Variants in LMNTD1 observed in about 807,000 individuals in gnomAD.
LMNTD1 encodes the protein lamin tail domain-containing protein 1.
Under a neutral mutation model 50.9 loss-of-function variants are expected in LMNTD1, and 35 were observed. The observed-to-expected ratio is 0.69, with a 90% CI of 0.53 to 0.91. The LOEUF is 0.91. Among genes scored for constraint, LMNTD1 ranks in the 40% least tolerant of loss-of-function variants. The pLI is 0.00. For synonymous variants in LMNTD1, 153 were observed against 161.9 expected (o/e 0.94, Z 0.42); for missense variants, 470 against 475.5 (o/e 0.99, Z 0.11).
chr12:25,587,351 G>T (rs1945561028), intron 1 of LMNTD1, among the ~76,000 whole-genome samples: 1 of 152,360 alleles, frequency 6.6e-6, no homozygotes, highest in South Asian at 2.1e-4. Context: ...TGTGCAGGAA[G>T]CATGGTGCCA....
At chr12:25,520,505 C>A (rs1266968694) in intron 6 of LMNTD1, among the ~76,000 whole-genome samples, 1 of 152,138 alleles carries the variant, frequency 6.6e-6, no homozygotes, top group African/African-American at 2.4e-5. Context: ...TGACTTATTT[C>A]ACTCAGCATA....
At chr12:25,544,829 A>G (rs552455751) in intron 4 of LMNTD1, among the ~76,000 whole-genome samples, 8 of 151,920 alleles carry the variant, frequency 5.3e-5, no homozygotes, top group African/African-American at 1.7e-4. Flanking sequence ...AATAGAAAAA[A>G]AGAAAGAATA....
intron 1 of LMNTD1, among the ~76,000 whole-genome samples, chr12:25,648,066 CA>C (rs1408620362): frequency 2.0e-5 from 3 of 152,030 alleles, no homozygotes; most frequent in Non-Finnish European, 4.4e-5. Flanking sequence ...TAAAGTTTTT[CA>C]TCATAAAAGT....
At chr12:25,527,677 T>TACAC (rs1312734491) in intron 4 of LMNTD1, among the ~76,000 whole-genome samples, 27 of 19,560 alleles carry the variant, frequency 1.4e-3, no homozygotes, top group South Asian at 9.6e-3. Flanking sequence ...TATATATATA[T>TACAC]ATATACACAC....
chr12:25,565,157 T>C (rs1944502937), intron 1 of LMNTD1, among the ~76,000 whole-genome samples: 1 of 152,142 alleles, frequency 6.6e-6, no homozygotes, highest in Non-Finnish European at 1.5e-5. Context: ...CTATGTCTTT[T>C]GATTGGAGAG....
intron 3 of LMNTD1, chr12:25,547,272 AT>A: frequency 1.8e-6 from 1 of 553,852 alleles, no homozygotes; most frequent in Non-Finnish European, 2.3e-6. Flanking sequence ...CGTGTCTTGC[AT>A]TTAGACAGAC....
chr12:25,535,986 G>T (rs1678570), intron 4 of LMNTD1, among the ~76,000 whole-genome samples: 31,755 of 118,580 alleles, frequency 0.27, 4,000 homozygotes, highest in Middle Eastern at 0.39. Flanking sequence ...GATAAAGAAA[G>T]TCATTTCATA....
intron 7 of LMNTD1, among the ~76,000 whole-genome samples, chr12:25,519,301 T>C (rs1483845736): frequency 6.6e-6 from 1 of 151,916 alleles, no homozygotes; most frequent in Admixed American, 6.5e-5. Context: ...CCATGAAAAG[T>C]GAAATGGCGG....
At chr12:25,586,375 C>G (rs1266367953) in intron 1 of LMNTD1, among the ~76,000 whole-genome samples, 1 of 152,144 alleles carries the variant, frequency 6.6e-6, no homozygotes, top group Non-Finnish European at 1.5e-5. Context: ...CTCACCAACA[C>G]TACCTTCATG....
chr12:25,634,960 G>T (rs531678394), intron 1 of LMNTD1, among the ~76,000 whole-genome samples: 3 of 152,160 alleles, frequency 2.0e-5, no homozygotes, highest in East Asian at 3.8e-4. Flanking sequence ...AATTCAGCAG[G>T]CTGGGCGCAG....
At chr12:25,604,814 G>T (rs900210347) in intron 1 of LMNTD1, among the ~76,000 whole-genome samples, 19 of 152,160 alleles carry the variant, frequency 1.2e-4, no homozygotes, top group African/African-American at 4.3e-4. Flanking sequence ...ACATATGTGT[G>T]CATGTGTCTT....
intron 1 of LMNTD1, among the ~76,000 whole-genome samples, chr12:25,574,799 C>G (rs921200143): frequency 1.3e-5 from 2 of 152,122 alleles, no homozygotes; most frequent in African/African-American, 4.8e-5. Context: ...AGAATAGACA[C>G]CTTGTAAGTA....
chr12:25,523,570 A>G (rs962117699), intron 6 of LMNTD1, among the ~76,000 whole-genome samples: 16 of 152,184 alleles, frequency 1.1e-4, no homozygotes, highest in Admixed American at 5.9e-4. Context: ...CAGCATGTCT[A>G]TGAGAAGGCA....
intron 1 of LMNTD1, among the ~76,000 whole-genome samples, chr12:25,613,713 A>T (rs980409515): frequency 5.9e-5 from 9 of 152,206 alleles, no homozygotes; most frequent in Non-Finnish European, 1.3e-4. Context: ...CTTATTAGAA[A>T]AAATATTTAA....
chr12:25,633,613 A>T (rs1322640750), intron 1 of LMNTD1, among the ~76,000 whole-genome samples: 1 of 152,214 alleles, frequency 6.6e-6, no homozygotes, highest in Non-Finnish European at 1.5e-5. Context: ...TAAATCTAAA[A>T]ATTATTTGAG....
At chr12:25,560,656 T>C (rs1374854793) in intron 1 of LMNTD1, among the ~76,000 whole-genome samples, 2 of 152,178 alleles carry the variant, frequency 1.3e-5, no homozygotes, top group Admixed American at 6.5e-5. Context: ...TTTCACAATA[T>C]TGATTCTTCC....
chr12:25,485,461 T>C (rs1182755806), intron 9 of LMNTD1, among the ~76,000 whole-genome samples: 1 of 65,738 alleles, frequency 1.5e-5, no homozygotes, highest in Non-Finnish European at 2.9e-5. Flanking sequence ...AGGTTGCTTG[T>C]TCACTCTGAT....
intron 1 of LMNTD1, among the ~76,000 whole-genome samples, chr12:25,626,179 C>T (rs1946584760): frequency 6.6e-6 from 1 of 152,134 alleles, no homozygotes; most frequent in African/African-American, 2.4e-5. Context: ...CATTTCTAAA[C>T]AAGCAATATC....
At chr12:25,641,075 G>A (rs1280498203) in intron 1 of LMNTD1, among the ~76,000 whole-genome samples, 1 of 152,176 alleles carries the variant, frequency 6.6e-6, no homozygotes, top group Non-Finnish European at 1.5e-5. Context: ...GCAATACTCA[G>A]ATGAAAAATA....
Sources: gnomAD v4.1 joint callset for allele counts (sites outside exome capture counted in the v4.1 genomes callset) on GRCh38, gnomAD v4.1.1 for gene constraint, MANE v1.5 for transcripts, NCBI Gene and HGNC (gene_info 2026-07-23, HGNC 2026-07-21) for gene names.